FNDC3A: variants seen among roughly 807,000 people sequenced by gnomAD.
The protein encoded by FNDC3A is fibronectin type III domain containing 3A, also known as fibronectin type-III domain-containing protein 3A.
Under a neutral mutation model 148.9 loss-of-function variants are expected in FNDC3A, and 32 were observed. The observed-to-expected ratio is 0.21, with a 90% CI of 0.16 to 0.29. The LOEUF (loss-of-function observed/expected upper bound fraction) is 0.29, where lower values mean the gene tolerates loss of function less well. Ranked by LOEUF, FNDC3A falls within the 10% of genes least tolerant of loss-of-function variation. The pLI is 1.00. For missense variants in FNDC3A, 1,191 were observed against 1,452.8 expected (o/e 0.82, Z 2.93); for synonymous variants, 472 against 473.6 (o/e 1.00, Z 0.04).
chr13:49,009,738 T>C (rs1410349939), intron 2 of FNDC3A, among the ~76,000 whole-genome samples: 3 of 152,216 alleles, frequency 2.0e-5, no homozygotes, highest in Non-Finnish European at 2.9e-5. Context: ...CTAAAGAAGA[T>C]TTCAGATGTT....
At chr13:49,050,044 C>T (rs1001380635) in intron 2 of FNDC3A, among the ~76,000 whole-genome samples, 2 of 152,176 alleles carry the variant, frequency 1.3e-5, no homozygotes, top group African/African-American at 4.8e-5. Flanking sequence ...CTTGGTTAAT[C>T]TCACTAATGG....
chr13:49,032,147 G>A (rs1205818798), intron 2 of FNDC3A, among the ~76,000 whole-genome samples: 2 of 152,138 alleles, frequency 1.3e-5, no homozygotes, highest in African/African-American at 2.4e-5. Context: ...ACAAGTGTTA[G>A]CAACGATATG....
At chr13:49,069,700 T>G (rs1275090297) in intron 2 of FNDC3A, among the ~76,000 whole-genome samples, 3 of 152,206 alleles carry the variant, frequency 2.0e-5, no homozygotes, top group Non-Finnish European at 4.4e-5. Context: ...TTTGATAGCA[T>G]TTTACTGCCC....
At chr13:48,997,409 C>T (rs1566180787) in intron 1 of FNDC3A, among the ~76,000 whole-genome samples, 1 of 152,180 alleles carries the variant, frequency 6.6e-6, no homozygotes, top group Non-Finnish European at 1.5e-5. Flanking sequence ...AGTGAGAAAG[C>T]ACCTGATAGT....
At chr13:49,150,140 T>A (rs961501769) in intron 8 of FNDC3A, among the ~76,000 whole-genome samples, 1 of 152,184 alleles carries the variant, frequency 6.6e-6, no homozygotes, top group South Asian at 2.1e-4. Context: ...CATCTTGCGA[T>A]GTTGCCTAAG....
At chr13:49,055,588 C>T (rs1876176988) in intron 2 of FNDC3A, among the ~76,000 whole-genome samples, 1 of 152,124 alleles carries the variant, frequency 6.6e-6, no homozygotes, top group African/African-American at 2.4e-5. Flanking sequence ...ATTTGGTCTC[C>T]ACAACCCCTT....
At chr13:49,186,884 A>G (rs901711079) in intron 15 of FNDC3A, among the ~76,000 whole-genome samples, 2 of 152,174 alleles carry the variant, frequency 1.3e-5, no homozygotes, top group Non-Finnish European at 2.9e-5. Flanking sequence ...ATAAATAAAA[A>G]TAAGTAAATG....
At chr13:49,124,345 A>T (rs1182927183) in intron 4 of FNDC3A, among the ~76,000 whole-genome samples, 1 of 152,006 alleles carries the variant, frequency 6.6e-6, no homozygotes, top group African/African-American at 2.4e-5. Flanking sequence ...CTGTGAAGGG[A>T]TGGGGAGCTA....
intron 2 of FNDC3A, among the ~76,000 whole-genome samples, chr13:49,068,003 G>A (rs1877379839): frequency 6.6e-6 from 1 of 151,990 alleles, no homozygotes. Flanking sequence ...GGAAATAAAA[G>A]CAAAAGGAAC....
rs1383971057 is a variant in FNDC3A, at chr13:49,186,194, T to G, written c.1756+92T>G. The G allele has an allele frequency of 1.9e-5, 21 of 1,125,656 alleles. No individual in the cohort carries two copies. The East Asian group carries it at 4.1e-4, about 22-fold the overall frequency. 69.7% of individuals were successfully genotyped at this position (1,125,656 alleles called of 1,614,324 possible). A position where few individuals can be genotyped will look rare whatever the true frequency, so the allele number is the denominator to read the frequency against. ...ATAATTTTTAAGATATTTGAGTAAA[T>G]TTGTTATCTCAAGCCAGTCCAAAAA... On this transcript the variant is annotated intron_variant, in intron 15 of 25. Coordinates refer to ENST00000492622, the MANE Select transcript of FNDC3A (RefSeq NM_001079673.2).
In FNDC3A at chr13:49,160,079, CT is replaced by C. The variant is rs546619705; in HGVS notation, c.978-7158del. Among the ~76,000 whole-genome samples the C allele has an allele frequency of 3.9e-4, 59 of 152,198 alleles. No homozygotes were observed. The South Asian group carries it at 0.012, about 31-fold the overall frequency. On this transcript the variant is annotated intron_variant, in intron 8 of 25. Coordinates refer to ENST00000492622, the MANE Select transcript of FNDC3A (RefSeq NM_001079673.2). ...ATCAGGGATATTGGTCTAAAATTCT[CT>C]TTTTTTGTTGTGTCTCTGCCCGGCT...
rs772925881 is a variant in FNDC3A, at chr13:49,131,239, C to G, written c.355C>G (p.Leu119Val). Residue 119 changes from leucine to valine, a missense_variant, in exon 5 of 26, where the codon CTA becomes GTA. Leu to Val is a conservative substitution (Grantham distance 32). This residue lies in a region of FNDC3A where 426 missense variants were observed against 473.2 expected (regional missense o/e 0.90). Transcript: ENST00000492622. The stretch of plus-strand genomic sequence containing the variant: ...TCTCCACCGTTCTCCACATCCTCCT[C>G]TACCTGGTTTCATTCCTGTCCCAAC... ...TVLHRSPHPP[L>V]PGFIPVPTMM... 42 of 1,614,020 alleles carry G rather than the reference C, an allele frequency of 2.6e-5. No individual in the cohort carries two copies. In the Admixed American group the frequency reaches 5.7e-4, roughly 22 times the overall value.
At chr13:49,151,365 A>C (rs1018353471) in intron 8 of FNDC3A, among the ~76,000 whole-genome samples, 1 of 152,108 alleles carries the variant, frequency 6.6e-6, no homozygotes, top group African/African-American at 2.4e-5. Flanking sequence ...TGTTTTTGAC[A>C]TAAAGTCTGT....
intron 4 of FNDC3A, among the ~76,000 whole-genome samples, chr13:49,119,380 C>A (rs551050187): frequency 6.6e-6 from 1 of 152,164 alleles, no homozygotes; most frequent in East Asian, 1.9e-4. Context: ...TAGATAAATC[C>A]ATGAAGATGA....
intron 7 of FNDC3A, among the ~76,000 whole-genome samples, chr13:49,142,590 A>G (rs906360860): frequency 2.6e-5 from 4 of 152,098 alleles, no homozygotes; most frequent in African/African-American, 9.7e-5. Context: ...CTTCTATGCA[A>G]CTCTATAATT....
chr13:49,139,331 T>C (rs1161867310), intron 7 of FNDC3A, among the ~76,000 whole-genome samples: 1 of 152,138 alleles, frequency 6.6e-6, no homozygotes, highest in Non-Finnish European at 1.5e-5. Context: ...AAGTAGGCCA[T>C]AGGACTTTTT....
intron 14 of FNDC3A, among the ~76,000 whole-genome samples, chr13:49,181,040 C>T (rs1288425655): frequency 6.6e-6 from 1 of 152,158 alleles, no homozygotes; most frequent in Non-Finnish European, 1.5e-5. Flanking sequence ...ATGATCGTGT[C>T]ACTGCACTCC....
At chr13:49,147,572 A>G (rs1883064524) in intron 8 of FNDC3A, among the ~76,000 whole-genome samples, 2 of 151,736 alleles carry the variant, frequency 1.3e-5, no homozygotes, top group Admixed American at 1.3e-4. Flanking sequence ...GTTTGCGGCT[A>G]CATACCCAAA....
chr13:49,160,963 G>T (rs1285468853), intron 8 of FNDC3A, among the ~76,000 whole-genome samples: 1 of 152,196 alleles, frequency 6.6e-6, no homozygotes, highest in African/African-American at 2.4e-5. Flanking sequence ...ATTCTAATTT[G>T]ATTGCACTGT....
Sources: allele counts gnomAD v4.1 joint callset (sites outside exome capture counted in the v4.1 genomes callset), GRCh38; gene constraint gnomAD v4.1.1; regional missense constraint gnomAD v4.1.1; transcripts MANE v1.5; gene names NCBI Gene and HGNC (gene_info 2026-07-23, HGNC 2026-07-21).